The following COMMD1 variants were observed in gnomAD, a reference collection of about 807,000 sequenced individuals.
COMMD1 encodes the protein copper metabolism domain containing 1, also known as COMM domain-containing protein 1.
A neutral mutation model predicts 17.2 loss-of-function variants in COMMD1; 10 were observed. That is an observed-to-expected ratio of 0.58 (90% CI 0.36 to 0.99). COMMD1 has a LOEUF of 0.99. COMMD1 is among the 50% of genes least tolerant of loss of function. The probability of loss-of-function intolerance (pLI) is 0.01; values close to 1 mark genes in which losing one functional copy is unlikely to be tolerated. For missense variants in COMMD1, 270 were observed against 231.8 expected (o/e 1.17, Z -1.07); for synonymous variants, 97 against 91.6 (o/e 1.06, Z -0.34).
intron 2 of COMMD1, among the ~76,000 whole-genome samples, chr2:62,002,491 GAAAAAAAAAAAAAAAA>G (rs11310507): frequency 0.032 from 1,120 of 35,158 alleles, 33 homozygotes; most frequent in African/African-American, 0.1. Context: ...GATTCCACCA[GAAAAAAAAAAAAAAAA>G]AAAAAAAAAA....
intron 1 of COMMD1, among the ~76,000 whole-genome samples, chr2:61,967,685 G>A (rs1024547668): frequency 6.6e-6 from 1 of 152,194 alleles, no homozygotes; most frequent in African/African-American, 2.4e-5. Flanking sequence ...TACAAATTCT[G>A]CGAGTATTCC....
At chr2:61,941,372 C>A (rs1244836637) in intron 1 of COMMD1, among the ~76,000 whole-genome samples, 3 of 152,270 alleles carry the variant, frequency 2.0e-5, no homozygotes, top group African/African-American at 7.2e-5. Flanking sequence ...TGAGGGACAG[C>A]AAATTTGATA....
intron 1 of COMMD1, among the ~76,000 whole-genome samples, chr2:61,988,884 C>T (rs1672172631): frequency 6.6e-6 from 1 of 152,116 alleles, no homozygotes; most frequent in African/African-American, 2.4e-5. Context: ...CTAAATGTTC[C>T]CTCTGTGGAC....
intron 1 of COMMD1, among the ~76,000 whole-genome samples, chr2:61,933,928 T>C (rs546328566): frequency 1.3e-5 from 2 of 152,200 alleles, no homozygotes; most frequent in South Asian, 4.1e-4. Context: ...AATACCTGGC[T>C]AATTTTTTGT....
chr2:62,014,502 T>A (rs1350003506), intron 2 of COMMD1, among the ~76,000 whole-genome samples: 1 of 143,254 alleles, frequency 7.0e-6, no homozygotes, highest in African/African-American at 2.6e-5. Flanking sequence ...AAAAAAAAAA[T>A]TGTGGTAAAA....
At chr2:62,130,070 G>A (rs576707054) in intron 2 of COMMD1, among the ~76,000 whole-genome samples, 2 of 151,566 alleles carry the variant, frequency 1.3e-5, no homozygotes, top group Non-Finnish European at 2.9e-5. Flanking sequence ...AGCTATTCAG[G>A]AGGCTGAGGC....
intron 2 of COMMD1, among the ~76,000 whole-genome samples, chr2:62,123,149 A>C (rs899456150): frequency 6.6e-6 from 1 of 152,098 alleles, no homozygotes; most frequent in African/African-American, 2.4e-5. Flanking sequence ...GCTTGACCCA[A>C]AGAATTCAAG....
At chr2:62,111,100 A>G (rs574770296) in intron 2 of COMMD1, among the ~76,000 whole-genome samples, 2 of 152,310 alleles carry the variant, frequency 1.3e-5, no homozygotes, top group South Asian at 2.1e-4. Flanking sequence ...AGAGGGAGAT[A>G]TCTTTACGAA....
At chr2:61,983,514 A>C (rs1210761195) in intron 1 of COMMD1, among the ~76,000 whole-genome samples, 1 of 152,016 alleles carries the variant, frequency 6.6e-6, no homozygotes, top group Non-Finnish European at 1.5e-5. Context: ...ATGCATGTTC[A>C]TCTTGTTACT....
chr2:62,091,976 T>C (rs1671841661), intron 2 of COMMD1, among the ~76,000 whole-genome samples: 2 of 152,192 alleles, frequency 1.3e-5, no homozygotes, highest in Admixed American at 1.3e-4. Context: ...AGAATGGTGC[T>C]GTTCCATATA....
intron 2 of COMMD1, among the ~76,000 whole-genome samples, chr2:62,073,823 G>A (rs1026592619): frequency 2.6e-5 from 4 of 151,942 alleles, no homozygotes; most frequent in Non-Finnish European, 5.9e-5. Flanking sequence ...CTCAGCCTCC[G>A]AAGTAGCTGG....
chr2:61,890,017 G>T (rs1407119268), intron 1 of COMMD1, among the ~76,000 whole-genome samples: 1 of 152,138 alleles, frequency 6.6e-6, no homozygotes, highest in African/African-American at 2.4e-5. Flanking sequence ...TACAAAGCAA[G>T]GACCAGAAGC....
intron 2 of COMMD1, among the ~76,000 whole-genome samples, chr2:62,064,693 T>G (rs1670976344): frequency 6.6e-6 from 1 of 152,194 alleles, no homozygotes; most frequent in Non-Finnish European, 1.5e-5. Context: ...ATCCATTGAT[T>G]TTCAACTCCC....
upstream of COMMD1, chr2:61,888,625 G>T: frequency 3.1e-6 from 4 of 1,274,454 alleles, no homozygotes; most frequent in Non-Finnish European, 4.2e-6. Context: ...AGAAAGCGGC[G>T]CCGGCGTCGG....
At chr2:62,084,184 C>G (rs936478964) in intron 2 of COMMD1, among the ~76,000 whole-genome samples, 2 of 152,054 alleles carry the variant, frequency 1.3e-5, no homozygotes, top group Non-Finnish European at 2.9e-5. Flanking sequence ...GACCTTTGAG[C>G]AACAAAGGGG....
At chr2:61,939,179 C>T (rs996181881) in intron 1 of COMMD1, among the ~76,000 whole-genome samples, 10 of 151,720 alleles carry the variant, frequency 6.6e-5, no homozygotes, top group South Asian at 2.1e-4. Flanking sequence ...CTTGGCCGGG[C>T]GCGGTGGCTC....
rs184127808 is a variant in COMMD1 at position 62,061,689 on chromosome 2, G to A, written c.462+60707G>A. Among the ~76,000 whole-genome samples the A allele has an allele frequency of 2.7e-3, 412 of 151,292 alleles. 1 individual carries two copies. Among genetic ancestry groups the A allele is most frequent in the African/African-American group, 9.4e-3 (388 of 41,236 alleles). On this transcript the variant is annotated intron_variant, in intron 2 of 2. Coordinates refer to ENST00000311832, the MANE Select transcript of COMMD1 (RefSeq NM_152516.4). ...TCCTGCCTCAGCCTCCTGAGTAGCCGGGACTACAGGCGCCCACCACCATGC... is the reference window on the plus strand; with the variant it reads ...TCCTGCCTCAGCCTCCTGAGTAGCCAGGACTACAGGCGCCCACCACCATGC...
chr2:62,041,485 A>G (rs1441369832), intron 2 of COMMD1, among the ~76,000 whole-genome samples: 1 of 152,160 alleles, frequency 6.6e-6, no homozygotes, highest in African/African-American at 2.4e-5. Context: ...AGCTCACTGC[A>G]GCCTTGACCT....
At chr2:62,033,469 C>T (rs1285614407) in intron 2 of COMMD1, among the ~76,000 whole-genome samples, 1 of 152,060 alleles carries the variant, frequency 6.6e-6, no homozygotes, top group Non-Finnish European at 1.5e-5. Context: ...ACTTTTTGGA[C>T]ACAGTGGTTC....
Sources: gnomAD v4.1 joint callset for allele counts (sites outside exome capture counted in the v4.1 genomes callset) on GRCh38, gnomAD v4.1.1 for gene constraint, MANE v1.5 for transcripts, NCBI Gene and HGNC (gene_info 2026-07-23, HGNC 2026-07-21) for gene names.